The following QDPR variants were observed in gnomAD, a reference collection of about 807,000 sequenced individuals.
QDPR encodes quinoid dihydropteridine reductase, also known as dihydropteridine reductase.
In QDPR, 23 loss-of-function variants were observed where a neutral mutation model predicts 31.7. The observed-to-expected ratio is 0.73, with a 90% CI of 0.52 to 1.03. The LOEUF (loss-of-function observed/expected upper bound fraction) is 1.03. Among genes scored for constraint, QDPR ranks in the 50% least tolerant of loss-of-function variants. The pLI is 0.00. For missense variants in QDPR, 324 were observed against 323.8 expected (o/e 1.00, Z 0.00); for synonymous variants, 124 against 124.7 (o/e 0.99, Z 0.03).
chr4:17,498,872 T>C (rs1195173523), intron 4 of QDPR, among the ~76,000 whole-genome samples: 2 of 152,238 alleles, frequency 1.3e-5, no homozygotes, highest in African/African-American at 4.8e-5. Context: ...TGATTCATCA[T>C]TTACTTTCAA....
chr4:17,504,052 C>T (rs559606752), intron 3 of QDPR, among the ~76,000 whole-genome samples: 2 of 152,206 alleles, frequency 1.3e-5, no homozygotes, highest in South Asian at 4.2e-4. Context: ...TTGACTTCTT[C>T]TGACTTTCTA....
intron 4 of QDPR, among the ~76,000 whole-genome samples, chr4:17,499,434 C>A (rs1718480484): frequency 6.6e-6 from 1 of 152,206 alleles, no homozygotes; most frequent in Non-Finnish European, 1.5e-5. Context: ...TGTTTACTTT[C>A]TACTGCCTCT....
At chr4:17,492,539 G>A (rs1377987718) in intron 4 of QDPR, 199 bp from the exon 5 acceptor site, 27 of 610,324 alleles carry the variant, frequency 4.4e-5, no homozygotes, top group Non-Finnish European at 7.6e-5. Context: ...ATGGGAACAC[G>A]TGGGTTGGGA....
chr4:17,497,286 A>C (rs1270606711), intron 4 of QDPR, among the ~76,000 whole-genome samples: 1 of 152,120 alleles, frequency 6.6e-6, no homozygotes, highest in Non-Finnish European at 1.5e-5. Flanking sequence ...AAACTGATTA[A>C]ATTATTTAAA....
intron 2 of QDPR, among the ~76,000 whole-genome samples, chr4:17,504,840 T>G (rs1292747704): frequency 6.6e-6 from 1 of 152,104 alleles, no homozygotes; most frequent in South Asian, 2.1e-4. Context: ...TCCTGGTGTA[T>G]TTCTTTCCAG....
chr4:17,503,895 G>A (rs1381461413), intron 3 of QDPR, among the ~76,000 whole-genome samples: 3 of 151,782 alleles, frequency 2.0e-5, no homozygotes, highest in Admixed American at 6.6e-5. Context: ...AGGTTGCAGT[G>A]AGCCGAGATT....
Position 17,496,442 on chromosome 4 carries a change from CAAAAAAAAAAA to C in QDPR, c.437-4113_437-4103del, listed in dbSNP as rs747311750. Among the ~76,000 whole-genome samples, 317 of 64,638 alleles carry C rather than the reference CAAAAAAAAAAA, an allele frequency of 4.9e-3. 7 individuals are homozygous for C. Among genetic ancestry groups the C allele is most frequent in the East Asian group, 0.045 (83 of 1,826 alleles). 42.4% of individuals were successfully genotyped at this position (64,638 alleles called of 152,430 possible). A position where few individuals can be genotyped will look rare whatever the true frequency, so the allele number is the denominator to read the frequency against. ...CTGGGCAATAAGGGCAAAACTGTCTCAAAAAAAAAAAAAAAAAAAAAAAAAAAAAAGAACAA... is the reference window on the plus strand; with the variant it reads ...CTGGGCAATAAGGGCAAAACTGTCTCAAAAAAAAAAAAAAAAAAAGAACAA... On this transcript the variant is annotated intron_variant, in intron 4 of 6. Coordinates refer to ENST00000281243, the MANE Select transcript of QDPR (RefSeq NM_000320.3).
chr4:17,505,407 T>C (rs1718752006), intron 2 of QDPR, among the ~76,000 whole-genome samples: 1 of 152,058 alleles, frequency 6.6e-6, no homozygotes, highest in African/African-American at 2.4e-5. Flanking sequence ...CCACCACACC[T>C]AGCTAATTTT....
intron 4 of QDPR, among the ~76,000 whole-genome samples, chr4:17,498,310 G>C (rs1020239484): frequency 1.3e-5 from 2 of 152,148 alleles, no homozygotes; most frequent in Non-Finnish European, 2.9e-5. Context: ...AGGTCTCAAA[G>C]AGCTATTTGG....
At position 17,495,716 on chromosome 4, in the gene QDPR, A is replaced by G. The variant is rs977810297; in HGVS notation, c.437-3376T>C. Among the ~76,000 whole-genome samples the G allele has an allele frequency of 1.5e-4, 23 of 152,200 alleles. 1 individual carries two copies. The highest frequency in any genetic ancestry group is 1.2e-3 in the Admixed American group (19 of 15,284). On this transcript the variant is annotated intron_variant, in intron 4 of 6. Transcript: ENST00000281243. ...CAAACCAAAAGGTGGCAATCAATAA[A>G]TACTTTATTTGGCCAGGTGAGGTAG...
chr4:17,490,361 C>T lies in QDPR; in HGVS notation c.629+301G>A, dbSNP rs190514610. 1,290 of 391,288 alleles carry T rather than the reference C, an allele frequency of 3.3e-3. 6 individuals carry two copies. Among genetic ancestry groups the T allele is most frequent in the Middle Eastern group, 0.017 (20 of 1,190 alleles). The allele number at this position is 391,288 out of a possible 1,614,324, so 24.2% of individuals were successfully genotyped here. A position where few individuals can be genotyped will look rare whatever the true frequency, so the allele number is the denominator to read the frequency against. On this transcript the variant is annotated intron_variant, in intron 6 of 6. Coordinates refer to ENST00000281243, the MANE Select transcript of QDPR (RefSeq NM_000320.3). ...TAATCCTAACAAGCATGATGGACCTCATGATACAGGTGGGGAAACTGAGGC... is the reference window on the plus strand; with the variant it reads ...TAATCCTAACAAGCATGATGGACCTTATGATACAGGTGGGGAAACTGAGGC...
At chr4:17,511,895 C>G in intron 1 of QDPR, 55 bp downstream of exon 1, 1 of 1,567,056 alleles carries the variant, frequency 6.4e-7, no homozygotes, top group South Asian at 1.1e-5. Flanking sequence ...GGGTTCCACA[C>G]GAAAGCCCCC....
chr4:17,510,799 A>T (rs1189780090), intron 1 of QDPR, among the ~76,000 whole-genome samples: 5 of 152,212 alleles, frequency 3.3e-5, no homozygotes, highest in Admixed American at 3.3e-4. Flanking sequence ...CCCTTGGCAG[A>T]AGTGCTGCCT....
intron 1 of QDPR, among the ~76,000 whole-genome samples, chr4:17,511,505 TCTCA>T (rs962886843): frequency 4.6e-5 from 7 of 152,162 alleles, no homozygotes; most frequent in Admixed American, 2.0e-4. Flanking sequence ...TCGTCCCAAC[TCTCA>T]CTGTCAGAAT....
At position 17,487,236 on chromosome 4, in the gene QDPR, T is replaced by A; in HGVS notation, c.630A>T (p.Glu210Asp). Residue 210 changes from glutamate to aspartate, a missense_variant and splice_region_variant, in exon 7 of 7, where the codon GAA becomes GAT. By Grantham distance (45) the Glu-to-Asp change is conservative (BLOSUM62 2). Transcript: ENST00000281243. ...TCCCTGTGATCCAGTCATGGAAAGT[T>A]CTGGAACAGAAAATAAAAGTTTTTT... ...SSWTPLEFLV[E>D]TFHDWITGKN... The A allele has an allele frequency of 6.2e-7, 1 of 1,613,510 alleles. No individual in the cohort carries two copies.
chr4:17,509,220 A>C, intron 2 of QDPR, 51 bp downstream of exon 2: 1 of 1,375,608 alleles, frequency 7.3e-7, no homozygotes, highest in Non-Finnish European at 1.0e-6. Flanking sequence ...GCCAGTGGTC[A>C]CCTCTCCCCA....
At chr4:17,488,275 T>C (rs7696913) in intron 6 of QDPR, among the ~76,000 whole-genome samples, 5,317 of 151,524 alleles carry the variant, frequency 0.035, 119 homozygotes, top group East Asian at 0.059. Context: ...AAAAAAAAAA[T>C]TGTTTTTAAA....
intron 4 of QDPR, among the ~76,000 whole-genome samples, chr4:17,493,787 AG>A (rs1487323137): frequency 6.6e-6 from 1 of 152,088 alleles, no homozygotes. Context: ...GCTTCCTTCC[AG>A]GAGGTCGGTA....
At chr4:17,510,292 C>A (rs1259974791) in intron 1 of QDPR, among the ~76,000 whole-genome samples, 1 of 152,048 alleles carries the variant, frequency 6.6e-6, no homozygotes, top group African/African-American at 2.4e-5. Flanking sequence ...TTTCTCACTC[C>A]GATGCCGGGC....
Sources: gnomAD v4.1 joint callset for allele counts (sites outside exome capture counted in the v4.1 genomes callset) on GRCh38, gnomAD v4.1.1 for gene constraint, MANE v1.5 for transcripts, NCBI Gene and HGNC (gene_info 2026-07-23, HGNC 2026-07-21) for gene names.